COL6A5: variants seen among roughly 807,000 people sequenced by gnomAD.
COL6A5 encodes the protein collagen type VI alpha 5 chain.
A neutral mutation model predicts 65.6 loss-of-function variants in COL6A5; 48 were observed. That is an observed-to-expected ratio of 0.73 (90% CI 0.58 to 0.93). COL6A5 has a LOEUF of 0.93. Among genes scored for constraint, COL6A5 ranks in the 40% least tolerant of loss-of-function variants. The probability of loss-of-function intolerance (pLI) is 0.00; values close to 1 mark genes in which losing one functional copy is unlikely to be tolerated. For missense variants in COL6A5, 914 were observed against 928.3 expected, an observed-to-expected ratio of 0.98 and a Z score of 0.20; for synonymous variants, 291 against 322.8, an observed-to-expected ratio of 0.90 and a Z score of 1.05.
chr3:130,408,019 G>A (rs1177337726), intron 17 of COL6A5, among the ~76,000 whole-genome samples: 4 of 152,154 alleles, frequency 2.6e-5, no homozygotes, highest in African/African-American at 9.7e-5. Flanking sequence ...ACCCTGTGAT[G>A]ATTGTGTTAT....
At chr3:130,419,273 A>G (rs6769205) in intron 25 of COL6A5, among the ~76,000 whole-genome samples, 134,551 of 152,094 alleles carry the variant, frequency 0.88, 59,823 homozygotes, top group Non-Finnish European at 0.93. Context: ...CAAAAGTCTA[A>G]GGTGACAATA....
chr3:130,439,173 A>G (rs1273033559), intron 1 of COL6A5, among the ~76,000 whole-genome samples: 18 of 152,174 alleles, frequency 1.2e-4, no homozygotes. Context: ...AGAAGTGTGT[A>G]CAAATTTAGT....
chr3:130,362,328 T>TATATATATATA (rs60906258), intron 1 of COL6A5, among the ~76,000 whole-genome samples: 2 of 3,088 alleles, frequency 6.5e-4, no homozygotes, highest in Non-Finnish European at 1.3e-3. Flanking sequence ...ATATATATAT[T>TATATATATATA]TTTTTTTTTT....
Position 130,455,652 on chromosome 3 carries a change from C to G in COL6A5, c.1532C>G (p.Ala511Gly), listed in dbSNP as rs762840943. ...AAAGATCAAAAATCTGCAGAAATTGCAAGTCTCACTTCTGGTAAGAAAATG... is the reference window on the plus strand; with the variant it reads ...AAAGATCAAAAATCTGCAGAAATTGGAAGTCTCACTTCTGGTAAGAAAATG... The change falls in exon 5 of 8, where the codon GCA (alanine) becomes GGA (glycine). Residue 511 changes from alanine to glycine, a missense_variant. Ala to Gly is a moderately conservative substitution (Grantham distance 60). Transcript: ENST00000512836. 19 of 1,610,770 alleles carry G rather than the reference C, an allele frequency of 1.2e-5. No homozygotes were observed. In the East Asian group the frequency reaches 4.0e-4, roughly 34 times the overall value.
At chr3:130,481,056 T>G (rs1710226798) in intron 7 of COL6A5, among the ~76,000 whole-genome samples, 1 of 152,100 alleles carries the variant, frequency 6.6e-6, no homozygotes. Context: ...TCTTTCTTTT[T>G]TTTTTAATCC....
At chr3:130,476,971 C>G in intron 7 of COL6A5, 2 of 865,014 alleles carry the variant, frequency 2.3e-6, no homozygotes, top group East Asian at 2.6e-5. Context: ...ATCAGCTTGT[C>G]TTTTTCTTGC....
chr3:130,391,847 G>A (rs1936415111), intron 7 of COL6A5, 93 bp downstream of exon 7: 2 of 920,132 alleles, frequency 2.2e-6, no homozygotes, highest in African/African-American at 1.7e-5. Context: ...TTACCTGGAT[G>A]TTATGGACTG....
chr3:130,444,177 A>G lies in COL6A5; in HGVS notation c.1332+611A>G, dbSNP rs1033355431. ...AGGTTACCTGTCTTGTTCCCTGAAC[A>G]TAGCTGTTGTCCTGTTCTTTTTTCA... On this transcript the variant is annotated intron_variant, in intron 4 of 7. Transcript: ENST00000512836. Among the ~76,000 whole-genome samples, 3 of 152,178 alleles carry G rather than the reference A, an allele frequency of 2.0e-5. No homozygotes were observed. The East Asian group carries it at 5.8e-4, about 29-fold the overall frequency.
At chr3:130,410,210 T>C in intron 19 of COL6A5, 136 bp downstream of exon 19, 1 of 703,204 alleles carries the variant, frequency 1.4e-6, no homozygotes, top group Non-Finnish European at 2.4e-6. Context: ...TTTTTGATGA[T>C]GCATATTTGT....
In COL6A5 at chr3:130,414,232, C is replaced by T; in HGVS notation, c.4761+101C>T. On this transcript the variant is annotated intron_variant and NMD_transcript_variant, in intron 22 of 41. Coordinates refer to the COL6A5 transcript ENST00000312481. ...ATAAAAATAAATAACTGAGAATCTG[C>T]CCCCTGCCCTATTTTGCATTCCCTA... 9.7e-6 allele frequency: 9 copies of T among 931,948 alleles called. No homozygotes were observed. In the South Asian group the frequency reaches 1.1e-4, roughly 11 times the overall value. 57.7% of individuals were successfully genotyped at this position (931,948 alleles called of 1,614,324 possible).
chr3:130,455,726 C>A, intron 5 of COL6A5, 60 bp downstream of exon 37: 2 of 1,333,906 alleles, frequency 1.5e-6, no homozygotes, highest in Non-Finnish European at 2.1e-6. Flanking sequence ...CATCTTTTAA[C>A]ACTAGTAGAA....
At chr3:130,429,935 G>A (rs1937728475), upstream of COL6A5, among the ~76,000 whole-genome samples, 1 of 152,184 alleles carries the variant, frequency 6.6e-6, no homozygotes, top group South Asian at 2.1e-4. Context: ...TTGGGTGTGA[G>A]ATGTGCCCTT....
intron 21 of COL6A5, 75 bp from the exon 22 acceptor site, chr3:130,413,994 T>G: frequency 8.8e-7 from 1 of 1,133,414 alleles, no homozygotes; most frequent in Non-Finnish European, 1.3e-6. Flanking sequence ...ATTTCTGATG[T>G]AAATAGTATG....
intron 6 of COL6A5, 118 bp from the exon 7 acceptor site, chr3:130,391,061 A>T: frequency 1.4e-6 from 1 of 717,406 alleles, no homozygotes; most frequent in Non-Finnish European, 2.3e-6. Context: ...GAACTAAGTG[A>T]GATATAGTGT....
chr3:130,371,496 T>C (rs971317340), intron 1 of COL6A5, among the ~76,000 whole-genome samples: 4 of 152,158 alleles, frequency 2.6e-5, no homozygotes, highest in African/African-American at 9.7e-5. Flanking sequence ...TAGAATACAA[T>C]TGAGAGTCTA....
At position 130,426,349 on chromosome 3, in the gene COL6A5, C is replaced by A. The variant is rs1247772794; in HGVS notation, c.5200-18C>A. 1 of 1,551,134 alleles carries A rather than the reference C, an allele frequency of 6.4e-7. No individual in the cohort carries two copies. The highest frequency in any genetic ancestry group is 8.7e-7 in the Non-Finnish European group (1 of 1,146,682). On this transcript the variant is annotated intron_variant and NMD_transcript_variant, in intron 30 of 41. Transcript: ENST00000312481. ...TGTACTTGCATTTCTTTTCTCTCTC[C>A]TTTTTCAACATTTACAGCAATGTGA...
At chr3:130,444,465 A>G (rs1437914862) in intron 4 of COL6A5, among the ~76,000 whole-genome samples, 1 of 152,178 alleles carries the variant, frequency 6.6e-6, no homozygotes, top group Non-Finnish European at 1.5e-5. Flanking sequence ...AATTTGGGGG[A>G]ACTAATAAAT....
intron 5 of COL6A5, among the ~76,000 whole-genome samples, chr3:130,387,790 T>C (rs1474175702): frequency 1.3e-5 from 2 of 152,018 alleles, no homozygotes; most frequent in Non-Finnish European, 2.9e-5. Flanking sequence ...CTAAAGACAA[T>C]ATATTTGCAT....
Position 130,433,507 on chromosome 3 carries a change from C to G in COL6A5, c.487+1558C>G, listed in dbSNP as rs186191854. The stretch of plus-strand genomic sequence containing the variant: ...TAATAACCCCACACAGTCATTCTGA[C>G]TGCATATCACGCCTTGAGCAGTGCT... On this transcript the variant is annotated intron_variant, in intron 1 of 7. Transcript: ENST00000512836. Among the ~76,000 whole-genome samples, 564 of 152,312 alleles carry G rather than the reference C, an allele frequency of 3.7e-3. 1 individual carries two copies. Among genetic ancestry groups the G allele is most frequent in the Non-Finnish European group, 6.0e-3 (407 of 68,028 alleles).
Sources: gnomAD v4.1 joint callset for allele counts (sites outside exome capture counted in the v4.1 genomes callset) on GRCh38, gnomAD v4.1.1 for gene constraint, MANE v1.5 for transcripts, NCBI Gene and HGNC (gene_info 2026-07-23, HGNC 2026-07-21) for gene names.